Variants in SLCO1B1 observed in about 807,000 individuals in gnomAD.
SLCO1B1 encodes the protein solute carrier organic anion transporter family member 1B1.
Under a neutral mutation model 70.1 loss-of-function variants are expected in SLCO1B1, and 81 were observed. That is an observed-to-expected ratio of 1.16 (90% CI 0.97 to 1.39). SLCO1B1 has a LOEUF of 1.39. Ranked by LOEUF, SLCO1B1 falls within the 40% of genes most tolerant of loss-of-function variation. SLCO1B1 has a pLI of 0.00. For synonymous variants in SLCO1B1, 283 were observed against 271.5 expected (o/e 1.04, Z -0.42); for missense variants, 895 against 799.6 (o/e 1.12, Z -1.44).
intron 8 of SLCO1B1, 29 bp from the exon 9 acceptor site, chr12:21,200,479 A>G (rs200611821): frequency 8.2e-6 from 12 of 1,462,424 alleles, no homozygotes; most frequent in African/African-American, 1.4e-5. Context: ...TTGCATTCAA[A>G]TATTTTCTTT....
intron 1 of SLCO1B1, among the ~76,000 whole-genome samples, chr12:21,132,133 A>T (rs975945297): frequency 6.6e-6 from 1 of 152,150 alleles, no homozygotes; most frequent in African/African-American, 2.4e-5. Context: ...GATGGTTTCC[A>T]GTTTCATCCA....
chr12:21,203,050 A>C (rs1021362842), intron 10 of SLCO1B1, among the ~76,000 whole-genome samples: 15 of 152,062 alleles, frequency 9.9e-5, no homozygotes, highest in African/African-American at 3.6e-4. Context: ...TTTAAGTCCA[A>C]AACTCTTAGT....
At chr12:21,147,989 G>A (rs946588606) in intron 2 of SLCO1B1, among the ~76,000 whole-genome samples, 1 of 152,014 alleles carries the variant, frequency 6.6e-6, no homozygotes, top group African/African-American at 2.4e-5. Context: ...TATGTTTGTT[G>A]GCCACATAAA....
chr12:21,231,477 G>A (rs983170189), intron 14 of SLCO1B1, among the ~76,000 whole-genome samples: 8 of 151,856 alleles, frequency 5.3e-5, no homozygotes, highest in Non-Finnish European at 1.0e-4. Context: ...AGGACTCCTC[G>A]TCTGTTAGAA....
intron 2 of SLCO1B1, among the ~76,000 whole-genome samples, chr12:21,143,032 G>A (rs1940333000): frequency 6.6e-6 from 1 of 152,038 alleles, no homozygotes; most frequent in Non-Finnish European, 1.5e-5. Flanking sequence ...ATGTCTACAA[G>A]TGATATTTAA....
chr12:21,142,653 A>G (rs1940328249), intron 2 of SLCO1B1, among the ~76,000 whole-genome samples: 1 of 152,028 alleles, frequency 6.6e-6, no homozygotes, highest in Non-Finnish European at 1.5e-5. Flanking sequence ...TCTCTGATGA[A>G]ATATTTGAGT....
intron 5 of SLCO1B1, 59 bp from the exon 6 acceptor site, chr12:21,178,517 A>T (rs1001673372): frequency 1.9e-5 from 24 of 1,247,056 alleles, no homozygotes; most frequent in Non-Finnish European, 2.8e-5. Flanking sequence ...AAGTAGTTAA[A>T]TTTGTAATAG....
intron 11 of SLCO1B1, among the ~76,000 whole-genome samples, chr12:21,210,064 T>A (rs1591821614): frequency 6.8e-6 from 1 of 147,408 alleles, no homozygotes; most frequent in Non-Finnish European, 1.5e-5. Flanking sequence ...TTTAGTTTAA[T>A]TAGATCCCAT....
intron 14 of SLCO1B1, among the ~76,000 whole-genome samples, chr12:21,227,564 A>G (rs1941494583): frequency 6.6e-6 from 1 of 152,170 alleles, no homozygotes; most frequent in Admixed American, 6.5e-5. Flanking sequence ...AATATTAATG[A>G]CAGAAAATGT....
intron 2 of SLCO1B1, among the ~76,000 whole-genome samples, chr12:21,158,999 A>G (rs1591803170): frequency 6.6e-6 from 1 of 152,284 alleles, no homozygotes; most frequent in East Asian, 1.9e-4. Flanking sequence ...TCTGTCTAAT[A>G]CTTGATATTC....
chr12:21,189,436 T>C (rs1941002352), intron 7 of SLCO1B1, among the ~76,000 whole-genome samples: 1 of 145,490 alleles, frequency 6.9e-6, no homozygotes, highest in Non-Finnish European at 1.5e-5. Flanking sequence ...GTATGTAGCC[T>C]AATTGTTTTT....
At chr12:21,151,158 A>G (rs564572973) in intron 2 of SLCO1B1, among the ~76,000 whole-genome samples, 70 of 152,284 alleles carry the variant, frequency 4.6e-4, no homozygotes, top group African/African-American at 1.6e-3. Flanking sequence ...TAATTACAAC[A>G]CAGTGATATT....
intron 8 of SLCO1B1, 87 bp from the exon 9 acceptor site, chr12:21,200,421 C>A: frequency 1.2e-6 from 1 of 818,264 alleles, no homozygotes; most frequent in Non-Finnish European, 1.8e-6. Flanking sequence ...AATTTTAAAT[C>A]TTACATGACT....
chr12:21,165,735 A>G (rs1297620800), intron 2 of SLCO1B1, among the ~76,000 whole-genome samples: 3 of 152,080 alleles, frequency 2.0e-5, no homozygotes, highest in East Asian at 3.9e-4. Context: ...TTTTTCCTCC[A>G]TGTGAGAATA....
intron 11 of SLCO1B1, among the ~76,000 whole-genome samples, chr12:21,208,846 G>T (rs1329060742): frequency 6.6e-6 from 1 of 151,672 alleles, no homozygotes; most frequent in East Asian, 1.9e-4. Flanking sequence ...TCACTTCCTT[G>T]GTTTAAATGT....
chr12:21,174,824 C>A, intron 4 of SLCO1B1, 115 bp downstream of exon 4: 1 of 965,932 alleles, frequency 1.0e-6, no homozygotes, highest in Non-Finnish European at 1.6e-6. Flanking sequence ...AAGATACCCA[C>A]TAAGTGTGTA....
At chr12:21,220,104 C>G (rs531778637) in intron 12 of SLCO1B1, among the ~76,000 whole-genome samples, 3 of 152,220 alleles carry the variant, frequency 2.0e-5, no homozygotes, top group Admixed American at 6.5e-5. Context: ...TTTGCTGAGA[C>G]ATTGAATGTG....
intron 1 of SLCO1B1, among the ~76,000 whole-genome samples, chr12:21,135,982 C>T (rs1404033540): frequency 6.6e-6 from 1 of 152,110 alleles, no homozygotes; most frequent in African/African-American, 2.4e-5. Context: ...CCAGTTGTTC[C>T]TTTCCATGTT....
intron 7 of SLCO1B1, among the ~76,000 whole-genome samples, chr12:21,194,297 G>A (rs553563448): frequency 9.9e-5 from 15 of 152,262 alleles, no homozygotes; most frequent in Middle Eastern, 3.4e-3. Flanking sequence ...GATGACAGGC[G>A]TGAGCCACCG....
Sources: gnomAD v4.1 joint callset for allele counts (sites outside exome capture counted in the v4.1 genomes callset) on GRCh38, gnomAD v4.1.1 for gene constraint, MANE v1.5 for transcripts, NCBI Gene and HGNC (gene_info 2026-07-23, HGNC 2026-07-21) for gene names.